Variants in ROBO4 observed in about 807,000 individuals in gnomAD.
ROBO4 encodes roundabout homolog 4.
Under a neutral mutation model 103.3 loss-of-function variants are expected in ROBO4, and 80 were observed. The ratio of observed to expected loss-of-function variants is 0.77; its 90% CI spans 0.65 to 0.93. The LOEUF (loss-of-function observed/expected upper bound fraction) is 0.93. Ranked by LOEUF, ROBO4 falls within the 40% of genes least tolerant of loss-of-function variation. ROBO4 has a pLI of 0.00. For synonymous variants in ROBO4, 504 were observed against 529.7 expected, an observed-to-expected ratio of 0.95 and a Z score of 0.67; for missense variants, 1,333 against 1,305.3, an observed-to-expected ratio of 1.02 and a Z score of -0.33.
rs12287685 is a variant in ROBO4 at position 124,897,847 on chromosome 11, G to C, written c.-52C>G. On this transcript the variant is annotated 5_prime_UTR_variant, in exon 1 of 18. Coordinates refer to ENST00000306534, the MANE Select transcript of ROBO4 (RefSeq NM_019055.6). ...CCCGAGCACTTTGTCCTGCTGCTCT[G>C]AGCTCACAGTGAAGAGGGAAGGAGG... 0.021 allele frequency: 29,731 copies of C among 1,448,226 alleles called. 2,897 individuals carry two copies. The African/African-American group carries it at 0.28, about 14-fold the overall frequency. 89.7% of individuals were successfully genotyped at this position (1,448,226 alleles called of 1,614,324 possible).
intron 12 of ROBO4, among the ~76,000 whole-genome samples, chr11:124,888,411 G>A (rs1313958390): frequency 1.3e-5 from 2 of 152,186 alleles, no homozygotes; most frequent in African/African-American, 2.4e-5. Context: ...TGAAAGATGG[G>A]GTAGACTGTC....
intron 2 of ROBO4, 28 bp downstream of exon 2, chr11:124,896,904 A>G (rs902615605): frequency 6.3e-7 from 1 of 1,597,846 alleles, no homozygotes; most frequent in Non-Finnish European, 8.5e-7. Context: ...GGTTTGCCCC[A>G]CCCTGAAGCT....
intron 12 of ROBO4, 66 bp downstream of exon 12, chr11:124,891,233 A>G (rs1946791747): frequency 6.7e-7 from 1 of 1,493,574 alleles, no homozygotes; most frequent in Middle Eastern, 2.5e-4. Flanking sequence ...CCTTGTTCCC[A>G]TCACATTCCC....
At chr11:124,890,207 C>T (rs773986341) in intron 12 of ROBO4, among the ~76,000 whole-genome samples, 6 of 152,100 alleles carry the variant, frequency 3.9e-5, no homozygotes, top group Non-Finnish European at 8.8e-5. Context: ...AGCTCTGAGG[C>T]AAAGCTGGTA....
chr11:124,896,398 C>T (rs1946891343), intron 3 of ROBO4, 80 bp from the exon 4 acceptor site: 1 of 1,596,136 alleles, frequency 6.3e-7, no homozygotes. Context: ...GCCCCCTGCT[C>T]TCCCCTCCTC....
At chr11:124,892,067 G>A (rs1486864349) in intron 10 of ROBO4, 5 of 661,458 alleles carry the variant, frequency 7.6e-6, no homozygotes, top group Non-Finnish European at 2.8e-6. Context: ...TATGTATGCT[G>A]AGGTAAAAAG....
chr11:124,886,305 T>G, intron 16 of ROBO4, 159 bp downstream of exon 16: 2 of 618,940 alleles, frequency 3.2e-6, no homozygotes, highest in South Asian at 4.5e-5. Flanking sequence ...ATATTCCACA[T>G]AGACTTTCAA....
At position 124,896,967 on chromosome 11, in the gene ROBO4, G is replaced by A. The variant is rs138115665; in HGVS notation, c.365C>T (p.Thr122Met). The change falls in exon 2 of 18, where the codon ACG (threonine) becomes ATG (methionine). Residue 122 changes from threonine to methionine, a missense_variant. By Grantham distance (81) the Thr-to-Met change is moderately conservative. Transcript: ENST00000306534. ...CAGCCGAGCGCCTCTGCTGACTGCCGTGCCAAGCCGGTTGCTGGCCTCACA... is the reference window on the plus strand; with the variant it reads ...CAGCCGAGCGCCTCTGCTGACTGCCATGCCAAGCCGGTTGCTGGCCTCACA... The part of the protein sequence containing the change: ...YTCEASNRLG[T>M]AVSRGARLSV... 60 of 1,613,584 alleles carry A rather than the reference G, an allele frequency of 3.7e-5. No individual in the cohort carries two copies. In the African/African-American group the frequency reaches 4.3e-4, roughly 11 times the overall value.
At chr11:124,891,089 G>A (rs1946789414) in intron 12 of ROBO4, among the ~76,000 whole-genome samples, 2 of 152,218 alleles carry the variant, frequency 1.3e-5, no homozygotes, top group African/African-American at 4.8e-5. Flanking sequence ...TGAAACAAGA[G>A]CACAGTGCAA....
In ROBO4 at chr11:124,893,686, A is replaced by G; in HGVS notation, c.1547+2T>C. The stretch of plus-strand genomic sequence containing the variant: ...CTTCAGACCTCCCCTTTCACCTCTC[A>G]CCTGTGTTTTAGGATGGCATCCTCA... On this transcript the variant is annotated splice_donor_variant, in intron 10 of 17. Transcript: ENST00000306534. LOFTEE classifies it high-confidence loss of function. The G allele has an allele frequency of 6.2e-7, 1 of 1,613,580 alleles. No individual in the cohort carries two copies. The highest frequency in any genetic ancestry group is 8.5e-7 in the Non-Finnish European group (1 of 1,179,752).
Position 124,896,691 on chromosome 11 carries a change from G to A in ROBO4, c.401-21C>T, listed in dbSNP as rs765988726. ...GAGGACTGTGGGGAGGATGGAAGGTGACACGGAGCAGGGCCCAGGCCTCTT... is the reference window on the plus strand; with the variant it reads ...GAGGACTGTGGGGAGGATGGAAGGTAACACGGAGCAGGGCCCAGGCCTCTT... On this transcript the variant is annotated intron_variant, in intron 2 of 17. Coordinates refer to ENST00000306534, the MANE Select transcript of ROBO4 (RefSeq NM_019055.6). The A allele has an allele frequency of 3.7e-6, 6 of 1,612,300 alleles. No homozygotes were observed. The South Asian group carries it at 4.4e-5, about 12-fold the overall frequency.
In ROBO4 at chr11:124,887,733, C is replaced by T. The variant is rs1256228418; in HGVS notation, c.2056G>A (p.Gly686Arg). 6.2e-7 allele frequency: 1 copy of T among 1,613,816 alleles called. No individual in the cohort carries two copies. Among genetic ancestry groups the T allele is most frequent in the East Asian group, 2.2e-5 (1 of 44,878 alleles). Reference protein sequence around the residue: ...RGSKNLSQSPGAVPQALVAWR... With the variant: ...RGSKNLSQSPRAVPQALVAWR... The stretch of plus-strand genomic sequence containing the variant: ...TTCCCTTTCAGGGACCCCCTCTCAC[C>T]TGGGCTTTGGGAAAGGTTCTTGGAA... Residue 686 changes from glycine (G) to arginine (R), a missense_variant and splice_region_variant, in exon 13 of 18, where the codon GGA becomes AGA. By Grantham distance (125) the Gly-to-Arg change is moderately radical. Coordinates refer to ENST00000306534, the MANE Select transcript of ROBO4 (RefSeq NM_019055.6).
chr11:124,887,163 G>A lies in ROBO4; in HGVS notation c.2249C>T (p.Pro750Leu). The change falls in exon 15 of 18, where the codon CCC becomes CTC. Residue 750 changes from proline to leucine, a missense_variant. Transcript: ENST00000306534. ...APSSILLPAAPIPILSPCSPP... is the reference protein window; with the variant it reads ...APSSILLPAALIPILSPCSPP... The stretch of plus-strand genomic sequence containing the variant: ...ACTGCAGGGGCTAAGGATGGGGATG[G>A]GGGCTGCTGGCAGCAGGATGGAGGA... 1 of 1,606,624 alleles carries A rather than the reference G, an allele frequency of 6.2e-7. No individual in the cohort carries two copies. Among genetic ancestry groups the A allele is most frequent in the Non-Finnish European group, 8.5e-7 (1 of 1,175,572 alleles).
At position 124,894,325 on chromosome 11, in the gene ROBO4, A is replaced by G; in HGVS notation, c.1194T>C (p.Thr398=). The G allele has an allele frequency of 1.2e-6, 2 of 1,613,950 alleles. No individual in the cohort carries two copies. Among genetic ancestry groups the G allele is most frequent in the East Asian group, 2.2e-5 (1 of 44,868 alleles). Residue 398 remains threonine (T), a synonymous_variant, in exon 8 of 18, where the codon ACT becomes ACC. Coordinates refer to ENST00000306534, the MANE Select transcript of ROBO4 (RefSeq NM_019055.6). ...GNTSLPPANW[T]VVGEQTQLEI... is the part of the protein sequence containing the mutation. ...CCAGCTGGGTCTGCTCACCAACTAC[A>G]GTCCAGTTGGCTGGTGGCAGTGATG...
intron 6 of ROBO4, 70 bp downstream of exon 6, chr11:124,895,387 G>A: frequency 6.8e-7 from 1 of 1,460,696 alleles, no homozygotes; most frequent in Non-Finnish European, 9.4e-7. Flanking sequence ...AAGCAGAACA[G>A]TCCAGGGGCC....
At position 124,895,483 on chromosome 11, in the gene ROBO4, A is replaced by C. The variant is rs566542242; in HGVS notation, c.1010T>G (p.Val337Gly). 6.2e-7 allele frequency: 1 copy of C among 1,610,596 alleles called. No individual in the cohort carries two copies. Among genetic ancestry groups the C allele is most frequent in the Non-Finnish European group, 8.5e-7 (1 of 1,179,996 alleles). Residue 337 changes from valine (V) to glycine (G), a missense_variant, in exon 6 of 18, where the codon GTG becomes GGG. By Grantham distance (109) the Val-to-Gly change is moderately radical. Transcript: ENST00000306534. ...TTTTTCCGGCAGCCTCAGGAGCAGC[A>C]CGTTGCTGTCAGGGCCTCGAGCCCG... ...SGRARGPDSN[V>G]LLLRLPEKVP...
In ROBO4 at chr11:124,886,530, G is replaced by A; in HGVS notation, c.2728C>T (p.Leu910=). 1 of 1,614,236 alleles carries A rather than the reference G, an allele frequency of 6.2e-7. No homozygotes were observed. Among genetic ancestry groups the A allele is most frequent in the Non-Finnish European group, 8.5e-7 (1 of 1,180,040 alleles). Residue 910 remains leucine, a synonymous_variant, in exon 16 of 18, where the codon CTG becomes TTG. Coordinates refer to ENST00000306534, the MANE Select transcript of ROBO4 (RefSeq NM_019055.6). ...FLADAHFARA[L]AVAVDSFGFG... is the part of the protein sequence containing the mutation. ...CCAAAGCTATCCACAGCCACTGCCA[G>A]GGCCCGGGCAAAGTGAGCATCAGCG...
intron 10 of ROBO4, 27 bp downstream of exon 10, chr11:124,893,661 C>T (rs371800607): frequency 2.4e-5 from 38 of 1,611,202 alleles, no homozygotes; most frequent in Non-Finnish European, 3.2e-5. Context: ...CCCTCCCTTA[C>T]TTCAGACCTC....
At position 124,896,627 on chromosome 11, in the gene ROBO4, A is replaced by G. The variant is rs754749539; in HGVS notation, c.444T>C (p.Ala148=). The G allele has an allele frequency of 5.0e-6, 8 of 1,613,982 alleles. No homozygotes were observed. The Admixed American group carries it at 1.0e-4, about 20-fold the overall frequency. The stretch of plus-strand genomic sequence containing the variant: ...CCAGAGTAAACTGCTCACCCACCAC[A>G]GCCACCATGTCCCGAGGCTGGATCT... The part of the protein sequence containing the change: ...DFQIQPRDMV[A]VVGEQFTLEC... The change falls in exon 3 of 18, where the codon GCT becomes GCC. Residue 148 remains alanine, a synonymous_variant. Transcript: ENST00000306534.
Sources: allele counts gnomAD v4.1 joint callset (sites outside exome capture counted in the v4.1 genomes callset), GRCh38; gene constraint gnomAD v4.1.1; transcripts MANE v1.5; gene names NCBI Gene and HGNC (gene_info 2026-07-23, HGNC 2026-07-21).